The following SGK3 variants were observed in gnomAD, a reference collection of about 807,000 sequenced individuals.
The protein encoded by SGK3 is serum/glucocorticoid regulated kinase family member 3.
A neutral mutation model predicts 68.5 loss-of-function variants in SGK3; 47 were observed. The ratio of observed to expected loss-of-function variants is 0.69; its 90% CI spans 0.54 to 0.87. The LOEUF is 0.87. Among genes scored for constraint, SGK3 ranks in the 40% least tolerant of loss-of-function variants. The pLI is 0.00. For synonymous variants in SGK3, 181 were observed against 189.1 expected (o/e 0.96, Z 0.35); for missense variants, 479 against 575.5 (o/e 0.83, Z 1.72).
chr8:66,732,909 G>A (rs1327635019), intron 1 of SGK3, among the ~76,000 whole-genome samples: 1 of 152,098 alleles, frequency 6.6e-6, no homozygotes, highest in Non-Finnish European at 1.5e-5. Flanking sequence ...ACACATTGCA[G>A]TGATTTTTCA....
At chr8:66,829,295 C>T (rs1213955835) in intron 7 of SGK3, among the ~76,000 whole-genome samples, 1 of 152,064 alleles carries the variant, frequency 6.6e-6, no homozygotes, top group African/African-American at 2.4e-5. Flanking sequence ...TCCTTACAGG[C>T]GTATTACATT....
intron 1 of SGK3, among the ~76,000 whole-genome samples, chr8:66,738,104 C>A (rs16933039): frequency 0.13 from 19,968 of 152,016 alleles, 2,504 homozygotes; most frequent in African/African-American, 0.33. Context: ...TTTACTGTCC[C>A]TCTTCAATTT....
chr8:66,734,937 T>TC (rs1805274257), intron 1 of SGK3, among the ~76,000 whole-genome samples: 1 of 138,436 alleles, frequency 7.2e-6, no homozygotes, highest in Non-Finnish European at 1.5e-5. Context: ...AGAGCAAGGC[T>TC]CCATCTCAAA....
intron 10 of SGK3, among the ~76,000 whole-genome samples, chr8:66,839,029 T>C (rs561322584): frequency 6.6e-6 from 1 of 152,142 alleles, no homozygotes; most frequent in East Asian, 1.9e-4. Flanking sequence ...GATATCAACA[T>C]TGAGGTGGTG....
chr8:66,731,516 A>G (rs1210717671), intron 1 of SGK3, among the ~76,000 whole-genome samples: 1 of 152,042 alleles, frequency 6.6e-6, no homozygotes, highest in Non-Finnish European at 1.5e-5. Context: ...GGATATTAAC[A>G]TTTATTTATT....
At chr8:66,841,750 A>G (rs1350718928) in intron 13 of SGK3, among the ~76,000 whole-genome samples, 1 of 152,226 alleles carries the variant, frequency 6.6e-6, no homozygotes, top group Non-Finnish European at 1.5e-5. Flanking sequence ...ACAAATCACA[A>G]ATCAGAATTT....
intron 4 of SGK3, among the ~76,000 whole-genome samples, chr8:66,806,014 A>G (rs1808145270): frequency 6.6e-6 from 1 of 152,182 alleles, no homozygotes. Flanking sequence ...TTTATCCTGC[A>G]CCTTTTTCAT....
chr8:66,749,890 A>T (rs979150408), intron 1 of SGK3, among the ~76,000 whole-genome samples: 1 of 151,892 alleles, frequency 6.6e-6, no homozygotes, highest in Non-Finnish European at 1.5e-5. Context: ...GCCTTGGTAC[A>T]TGGCAACTGA....
At chr8:66,722,390 C>A (rs1804819685) in intron 1 of SGK3, among the ~76,000 whole-genome samples, 1 of 152,208 alleles carries the variant, frequency 6.6e-6, no homozygotes, top group Non-Finnish European at 1.5e-5. Context: ...TCAAGCGGTT[C>A]TCCTGCCTTA....
intron 10 of SGK3, among the ~76,000 whole-genome samples, chr8:66,839,392 A>C (rs1809673269): frequency 6.7e-6 from 1 of 148,790 alleles, no homozygotes; most frequent in Non-Finnish European, 1.5e-5. Flanking sequence ...AAAAAAAAAA[A>C]CTAAAACCAT....
At chr8:66,816,048 G>A (rs776976130) in intron 5 of SGK3, among the ~76,000 whole-genome samples, 17 of 152,086 alleles carry the variant, frequency 1.1e-4, no homozygotes, top group South Asian at 6.2e-4. Context: ...CGCCCAGGCT[G>A]GAATGCAGTG....
At chr8:66,819,705 C>A (rs914102657) in intron 5 of SGK3, among the ~76,000 whole-genome samples, 1 of 152,144 alleles carries the variant, frequency 6.6e-6, no homozygotes, top group Admixed American at 6.5e-5. Flanking sequence ...AAAATCCCCA[C>A]CCCTACATTT....
chr8:66,723,141 T>A (rs1413685977), intron 1 of SGK3, among the ~76,000 whole-genome samples: 45 of 120,274 alleles, frequency 3.7e-4, no homozygotes, highest in African/African-American at 1.3e-3. Context: ...ATTTTTTTTT[T>A]TTTTTTTTTT....
At chr8:66,723,114 TATATA>T (rs1804858077) in intron 1 of SGK3, among the ~76,000 whole-genome samples, 4 of 53,824 alleles carry the variant, frequency 7.4e-5, no homozygotes, top group African/African-American at 2.8e-4. Context: ...TATATATATA[TATATA>T]TATATATATA....
chr8:66,716,456 T>C (rs1804634685), intron 1 of SGK3, among the ~76,000 whole-genome samples: 1 of 150,938 alleles, frequency 6.6e-6, no homozygotes, highest in Non-Finnish European at 1.5e-5. Context: ...GGAGAAATAG[T>C]AAAGGACTTG....
chr8:66,793,733 T>A lies in SGK3; in HGVS notation c.-4T>A, dbSNP rs771904845. 5.6e-6 allele frequency: 9 copies of A among 1,612,286 alleles called. No homozygotes were observed. Among genetic ancestry groups the A allele is most frequent in the Non-Finnish European group, 7.6e-6 (9 of 1,179,004 alleles). ...CATTTTTTGGTGTGCTCTTGAGGGATTAAATGCAAAGAGATCACACCATGG... is the reference window on the plus strand; with the variant it reads ...CATTTTTTGGTGTGCTCTTGAGGGAATAAATGCAAAGAGATCACACCATGG... On this transcript the variant is annotated 5_prime_UTR_variant, in exon 2 of 17. Coordinates refer to ENST00000521198, the MANE Select transcript of SGK3 (RefSeq NM_001033578.3).
chr8:66,779,494 G>T (rs573561631), intron 1 of SGK3, among the ~76,000 whole-genome samples: 23 of 146,000 alleles, frequency 1.6e-4, no homozygotes, highest in Non-Finnish European at 2.7e-4. Flanking sequence ...ACCGTTCCTA[G>T]AATGAAGCAG....
chr8:66,757,467 AAT>A (rs922309322), intron 1 of SGK3, among the ~76,000 whole-genome samples: 2 of 151,632 alleles, frequency 1.3e-5, no homozygotes, highest in African/African-American at 4.9e-5. Context: ...TTCCTCTTTC[AAT>A]GGTTGTATGG....
chr8:66,859,871 T>A lies in SGK3; in HGVS notation c.*290T>A. 1 of 233,760 alleles carries A rather than the reference T, an allele frequency of 4.3e-6. No homozygotes were observed. Among genetic ancestry groups the A allele is most frequent in the Non-Finnish European group, 8.3e-6 (1 of 120,748 alleles). The allele number at this position is 233,760 out of a possible 1,614,324, so 14.5% of individuals were successfully genotyped here. ...TAAAGAAACCTTTTTTGCTATTGACTGTTTTTTCCCTCTAAGTTTACACTA... is the reference window on the plus strand; with the variant it reads ...TAAAGAAACCTTTTTTGCTATTGACAGTTTTTTCCCTCTAAGTTTACACTA... On this transcript the variant is annotated 3_prime_UTR_variant, in exon 17 of 17. Coordinates refer to ENST00000521198, the MANE Select transcript of SGK3 (RefSeq NM_001033578.3).
Sources: allele counts gnomAD v4.1 joint callset (sites outside exome capture counted in the v4.1 genomes callset), GRCh38; gene constraint gnomAD v4.1.1; transcripts MANE v1.5; gene names NCBI Gene and HGNC (gene_info 2026-07-23, HGNC 2026-07-21).